Variants in ITGA8 observed in about 807,000 individuals in gnomAD.
The protein encoded by ITGA8 is integrin subunit alpha 8.
In ITGA8, 91 loss-of-function variants were observed where a neutral mutation model predicts 142.3. The observed-to-expected ratio is 0.64, with a 90% CI of 0.54 to 0.76. The LOEUF (loss-of-function observed/expected upper bound fraction) is 0.76, where lower values mean the gene tolerates loss of function less well. ITGA8 is among the 30% of genes least tolerant of loss of function. ITGA8 has a pLI of 0.00. For synonymous variants in ITGA8, 505 were observed against 485.2 expected (o/e 1.04, Z -0.54); for missense variants, 1,406 against 1,327.7 (o/e 1.06, Z -0.92).
chr10:15,697,819 G>C (rs1481877775), intron 2 of ITGA8, among the ~76,000 whole-genome samples: 2 of 152,228 alleles, frequency 1.3e-5, no homozygotes, highest in Non-Finnish European at 1.5e-5. Context: ...TGGTGGGCCA[G>C]TTTTAGTTGT....
intron 28 of ITGA8, among the ~76,000 whole-genome samples, chr10:15,520,897 G>T (rs1833053370): frequency 6.6e-6 from 1 of 152,204 alleles, no homozygotes; most frequent in South Asian, 2.1e-4. Flanking sequence ...TGAGACTAAT[G>T]ACTAAGGTTG....
chr10:15,585,931 A>C (rs543569543), intron 23 of ITGA8, among the ~76,000 whole-genome samples: 1 of 152,168 alleles, frequency 6.6e-6, no homozygotes, highest in African/African-American at 2.4e-5. Context: ...CGCTAAAATA[A>C]TTATTGGAGA....
chr10:15,624,641 C>T (rs1345746947), intron 13 of ITGA8, among the ~76,000 whole-genome samples: 1 of 152,160 alleles, frequency 6.6e-6, no homozygotes, highest in African/African-American at 2.4e-5. Context: ...GCCCACAGCT[C>T]ACAGAATCTC....
chr10:15,545,114 T>G (rs1833643586), intron 27 of ITGA8, among the ~76,000 whole-genome samples: 1 of 152,282 alleles, frequency 6.6e-6, no homozygotes, highest in East Asian at 1.9e-4. Flanking sequence ...AGCTGCTAGG[T>G]TTTGGGGAAA....
At chr10:15,648,977 G>A (rs546888823) in intron 11 of ITGA8, among the ~76,000 whole-genome samples, 1 of 152,240 alleles carries the variant, frequency 6.6e-6, no homozygotes, top group South Asian at 2.1e-4. Context: ...AATTAACGCT[G>A]GGTATCCTGG....
chr10:15,640,828 C>T (rs575975402), intron 13 of ITGA8, among the ~76,000 whole-genome samples: 93 of 152,226 alleles, frequency 6.1e-4, no homozygotes, highest in African/African-American at 2.2e-3. Context: ...ACGAAGAGGG[C>T]CCAGGACACA....
intron 5 of ITGA8, 118 bp from the exon 6 acceptor site, chr10:15,677,755 C>T (rs1000634029): frequency 2.7e-5 from 24 of 902,302 alleles, no homozygotes; most frequent in Non-Finnish European, 3.9e-5. Flanking sequence ...ACATAAAAAG[C>T]AATTTTTAAA....
At chr10:15,609,623 T>G (rs892780687) in intron 15 of ITGA8, among the ~76,000 whole-genome samples, 3 of 152,226 alleles carry the variant, frequency 2.0e-5, no homozygotes, top group African/African-American at 7.2e-5. Flanking sequence ...TCAATTAGAA[T>G]TATTCAAGAA....
At chr10:15,579,865 C>T (rs547575500) in intron 23 of ITGA8, among the ~76,000 whole-genome samples, 16 of 151,750 alleles carry the variant, frequency 1.1e-4, no homozygotes, top group African/African-American at 1.9e-4. Flanking sequence ...ATAAACATTT[C>T]GGTATGCTGC....
intron 23 of ITGA8, among the ~76,000 whole-genome samples, chr10:15,585,389 A>T (rs1405734181): frequency 6.6e-6 from 1 of 152,196 alleles, no homozygotes; most frequent in Non-Finnish European, 1.5e-5. Context: ...TAGCACCCAG[A>T]AGGGAACAGT....
intron 13 of ITGA8, among the ~76,000 whole-genome samples, chr10:15,632,976 C>T (rs930857825): frequency 6.6e-6 from 1 of 152,170 alleles, no homozygotes; most frequent in Non-Finnish European, 1.5e-5. Flanking sequence ...TGGTTCATCT[C>T]ATTATCCTCC....
intron 7 of ITGA8, among the ~76,000 whole-genome samples, chr10:15,671,911 T>C (rs1201043958): frequency 6.6e-6 from 1 of 151,008 alleles, no homozygotes; most frequent in Non-Finnish European, 1.5e-5. Flanking sequence ...AGGGAGATAT[T>C]CTGAGGTCAA....
Position 15,660,942 on chromosome 10 carries a change from T to C in ITGA8, c.848-20A>G. The C allele has an allele frequency of 1.2e-6, 2 of 1,608,494 alleles. No individual in the cohort carries two copies. Among genetic ancestry groups the C allele is most frequent in the Non-Finnish European group, 8.5e-7 (1 of 1,175,182 alleles). On this transcript the variant is annotated intron_variant, in intron 8 of 29. Coordinates refer to ENST00000378076, the MANE Select transcript of ITGA8 (RefSeq NM_003638.3). ...CCAATTCTGGGGATGAAAATAGCCA[T>C]TTAGAAGGGGAATTACTCACACACA...
Position 15,575,184 on chromosome 10 carries a change from C to T in ITGA8, c.2478+305G>A, listed in dbSNP as rs3740125. 0.18 allele frequency among the ~76,000 whole-genome samples: 27,501 copies of T among 151,752 alleles called. 3,470 individuals are homozygous for T. The highest frequency in any genetic ancestry group is 0.4 in the East Asian group (2,054 of 5,144). On this transcript the variant is annotated intron_variant, in intron 24 of 29. Transcript: ENST00000378076. ...TGGGTGGATCACTTGAGCTCAGGAG[C>T]TTGAGACTAGCCTGGGCAACATGGC...
At chr10:15,521,383 GT>G (rs1173662941) in intron 28 of ITGA8, among the ~76,000 whole-genome samples, 1 of 152,104 alleles carries the variant, frequency 6.6e-6, no homozygotes, top group East Asian at 1.9e-4. Flanking sequence ...GCTTGTCTTG[GT>G]TTTTTATTGC....
Position 15,517,103 on chromosome 10 carries a change from T to G in ITGA8, c.*55A>C. 7.5e-7 allele frequency: 1 copy of G among 1,332,092 alleles called. No individual in the cohort carries two copies. Among genetic ancestry groups the G allele is most frequent in the Non-Finnish European group, 1.1e-6 (1 of 950,430 alleles). 82.5% of individuals were successfully genotyped at this position (1,332,092 alleles called of 1,614,324 possible). ...TGATTTTTAACCCTCATGTTCTTTC[T>G]TTTTCTTTGAACAGGACCAGTGTTT... On this transcript the variant is annotated 3_prime_UTR_variant, in exon 30 of 30. Transcript: ENST00000378076.
At chr10:15,581,296 G>T (rs1019398350) in intron 23 of ITGA8, among the ~76,000 whole-genome samples, 8 of 152,156 alleles carry the variant, frequency 5.3e-5, no homozygotes, top group Admixed American at 5.2e-4. Context: ...AGCTTCCCTG[G>T]TAGGTGATAC....
chr10:15,650,244 C>CA (rs1215092848), intron 11 of ITGA8, among the ~76,000 whole-genome samples: 9 of 151,824 alleles, frequency 5.9e-5, no homozygotes, highest in African/African-American at 7.3e-5. Flanking sequence ...CTGAAGGCAG[C>CA]AAAAAAAATC....
intron 12 of ITGA8, among the ~76,000 whole-genome samples, chr10:15,644,433 A>AACATATATATATAT (rs1222711473): frequency 9.4e-5 from 4 of 42,452 alleles, no homozygotes; most frequent in Non-Finnish European, 1.6e-4. Context: ...ATGTCAGGCT[A>AACATATATATATAT]ATATATATAT....
Sources: gnomAD v4.1 joint callset for allele counts (sites outside exome capture counted in the v4.1 genomes callset) on GRCh38, gnomAD v4.1.1 for gene constraint, MANE v1.5 for transcripts, NCBI Gene and HGNC (gene_info 2026-07-23, HGNC 2026-07-21) for gene names.